The following ZSCAN5A variants were observed in gnomAD, a reference collection of about 807,000 sequenced individuals.
ZSCAN5A encodes the protein zinc finger and SCAN domain containing 5A.
In ZSCAN5A, 12 loss-of-function variants were observed where a neutral mutation model predicts 23.7. That is an observed-to-expected ratio of 0.51 (90% CI 0.32 to 0.82). ZSCAN5A has a LOEUF of 0.82. ZSCAN5A is among the 40% of genes least tolerant of loss of function. The pLI, the probability that ZSCAN5A is intolerant of heterozygous loss-of-function variation, is 0.03. For missense variants in ZSCAN5A, 597 were observed against 617.9 expected, an observed-to-expected ratio of 0.97 and a Z score of 0.36; for synonymous variants, 257 against 239.9, an observed-to-expected ratio of 1.07 and a Z score of -0.66.
chr19:56,362,722 T>G (rs2041742040), intron 2 of ZSCAN5A, among the ~76,000 whole-genome samples: 1 of 151,774 alleles, frequency 6.6e-6, no homozygotes, highest in Admixed American at 6.6e-5. Context: ...TACAAAAAAA[T>G]TAGCCAGGTA....
chr19:56,257,004 T>C (rs2036747937), intron 2 of ZSCAN5A, among the ~76,000 whole-genome samples: 1 of 152,130 alleles, frequency 6.6e-6, no homozygotes, highest in East Asian at 1.9e-4. Flanking sequence ...TAACTTAACA[T>C]GTGGGATGTC....
At chr19:56,354,182 T>C (rs1221984542) in intron 2 of ZSCAN5A, among the ~76,000 whole-genome samples, 1 of 152,202 alleles carries the variant, frequency 6.6e-6, no homozygotes, top group Admixed American at 6.5e-5. Flanking sequence ...AGTTTCAATT[T>C]TGCAAAGAGA....
At position 56,230,637 on chromosome 19, in the gene ZSCAN5A, G is replaced by A. The variant is rs924805821; in HGVS notation, c.-127-5464C>T. Among the ~76,000 whole-genome samples the A allele has an allele frequency of 9.5e-4, 135 of 141,506 alleles. No individual in the cohort carries two copies. In the East Asian group the frequency reaches 0.012, roughly 13 times the overall value. The allele number at this position is 141,506 out of a possible 152,430, so 92.8% of individuals were successfully genotyped here. On this transcript the variant is annotated intron_variant, in intron 2 of 5. Transcript: ENST00000683990. ...TTGATGTGTGTGTGTGTGTGTGTGT[G>A]TGTGTGTGTGTGTGTGTGTTGGAAA... is the stretch of plus-strand genomic sequence containing the variant.
chr19:56,223,146 C>T (rs1309288557), intron 4 of ZSCAN5A, among the ~76,000 whole-genome samples: 1 of 152,112 alleles, frequency 6.6e-6, no homozygotes, highest in African/African-American at 2.4e-5. Context: ...AGAGACCCCA[C>T]CTCCACCCTC....
At chr19:56,330,869 A>C (rs567933304) in intron 2 of ZSCAN5A, among the ~76,000 whole-genome samples, 1 of 152,172 alleles carries the variant, frequency 6.6e-6, no homozygotes, top group Admixed American at 6.5e-5. Flanking sequence ...CTTAGTAATA[A>C]ATTTTTTTCC....
In ZSCAN5A at chr19:56,327,550, CATT is replaced by C. The variant is rs1376025896; in HGVS notation, c.-357-11285_-357-11283del. On this transcript the variant is annotated intron_variant, in intron 2 of 6. Coordinates refer to the ZSCAN5A transcript ENST00000587340. The stretch of plus-strand genomic sequence containing the variant: ...TACACATATTGAATATAAATATGCA[CATT>C]ATATTAAATGACATTAAATATATAC... 6.0e-5 allele frequency among the ~76,000 whole-genome samples: 9 copies of C among 150,656 alleles called. No homozygotes were observed. The East Asian group carries it at 1.7e-3, about 29-fold the overall frequency.
rs200247414 is a variant in ZSCAN5A at position 56,329,009 on chromosome 19, AT to A, written c.-357-12742del. Among the ~76,000 whole-genome samples the A allele has an allele frequency of 4.3e-3, 633 of 146,358 alleles. 5 individuals carry two copies. The highest frequency in any genetic ancestry group is 0.012 in the African/African-American group (486 of 39,694). ...GACTCCGTCTCAAAAAAAAAAAAAA[AT>A]AAATAAATAAATAAATAAAAGAAAT... On this transcript the variant is annotated intron_variant, in intron 2 of 6. Coordinates refer to the ZSCAN5A transcript ENST00000587340.
At chr19:56,275,663 A>G (rs2038193850) in intron 2 of ZSCAN5A, among the ~76,000 whole-genome samples, 1 of 152,234 alleles carries the variant, frequency 6.6e-6, no homozygotes, top group Non-Finnish European at 1.5e-5. Flanking sequence ...GAACAGGCTA[A>G]GCTTGAAGCA....
At chr19:56,247,785 A>G (rs112490580) in intron 2 of ZSCAN5A, among the ~76,000 whole-genome samples, 4 of 151,956 alleles carry the variant, frequency 2.6e-5, no homozygotes, top group African/African-American at 7.3e-5. Flanking sequence ...TCAGTCTCCC[A>G]GGTTCACATC....
At chr19:56,339,853 T>C (rs372517406) in intron 2 of ZSCAN5A, among the ~76,000 whole-genome samples, 3 of 151,168 alleles carry the variant, frequency 2.0e-5, no homozygotes, top group Non-Finnish European at 1.5e-5. Context: ...GTTGTAGCCG[T>C]ATTTAGCAAT....
chr19:56,362,382 C>T (rs945807310), intron 2 of ZSCAN5A, among the ~76,000 whole-genome samples: 8 of 151,948 alleles, frequency 5.3e-5, no homozygotes, highest in East Asian at 2.0e-4. Flanking sequence ...TCTTGGCCAA[C>T]GTGGCGAGAC....
At chr19:56,309,076 C>T (rs2040873706) in intron 2 of ZSCAN5A, among the ~76,000 whole-genome samples, 1 of 152,178 alleles carries the variant, frequency 6.6e-6, no homozygotes, top group South Asian at 2.1e-4. Flanking sequence ...AAAGGATAAA[C>T]AAAACGTAGT....
intron 2 of ZSCAN5A, among the ~76,000 whole-genome samples, chr19:56,309,735 C>T (rs2040914470): frequency 6.6e-6 from 1 of 152,200 alleles, no homozygotes. Flanking sequence ...GCGGGGCGCG[C>T]CCTCTAGTGG....
At chr19:56,279,413 A>C (rs751225173) in intron 2 of ZSCAN5A, among the ~76,000 whole-genome samples, 2 of 152,256 alleles carry the variant, frequency 1.3e-5, no homozygotes, top group Non-Finnish European at 2.9e-5. Flanking sequence ...AAATGGAAAG[A>C]GCCTTGCAAA....
In ZSCAN5A at chr19:56,351,553, T is replaced by G. The variant is rs1186634490; in HGVS notation, c.-358+11682A>C. Among the ~76,000 whole-genome samples, 2 of 152,184 alleles carry G rather than the reference T, an allele frequency of 1.3e-5. No individual in the cohort carries two copies. Among genetic ancestry groups the G allele is most frequent in the Non-Finnish European group, 2.9e-5 (2 of 68,032 alleles). ...CTGTTGCGCACAGGGTCTATCTCTG[T>G]TCCTTTCCCATGTCTCAGTACGGGG... On this transcript the variant is annotated intron_variant, in intron 2 of 6. Coordinates refer to the ZSCAN5A transcript ENST00000587340. The surrounding 1 kb of genome is among the most constrained non-coding windows in gnomAD (Gnocchi z 4.8).
At chr19:56,238,067 TAG>T (rs1491091766) in intron 2 of ZSCAN5A, among the ~76,000 whole-genome samples, 3 of 5,174 alleles carry the variant, frequency 5.8e-4, no homozygotes, top group African/African-American at 8.1e-4. Flanking sequence ...TCTAGTCCCC[TAG>T]ACACACACAG....
intron 2 of ZSCAN5A, among the ~76,000 whole-genome samples, chr19:56,275,819 G>A (rs895137142): frequency 9.2e-5 from 14 of 152,320 alleles, no homozygotes; most frequent in South Asian, 4.1e-4. Flanking sequence ...ATTTATCTGC[G>A]TCTCCAACAC....
chr19:56,308,300 G>C (rs1287159909), intron 2 of ZSCAN5A, among the ~76,000 whole-genome samples: 1 of 151,824 alleles, frequency 6.6e-6, no homozygotes, highest in African/African-American at 2.4e-5. Context: ...CCAAAGTGCT[G>C]GGATTACAGG....
chr19:56,252,980 T>A (rs1015171033), intron 2 of ZSCAN5A, among the ~76,000 whole-genome samples: 6 of 152,216 alleles, frequency 3.9e-5, no homozygotes, highest in African/African-American at 1.4e-4. Context: ...CCTCCTGGGA[T>A]ATCCCTCCCA....
Sources: allele counts gnomAD v4.1 joint callset (sites outside exome capture counted in the v4.1 genomes callset), GRCh38; gene constraint gnomAD v4.1.1; non-coding constraint Gnocchi (gnomAD v3.1); transcripts MANE v1.5; gene names NCBI Gene and HGNC (gene_info 2026-07-23, HGNC 2026-07-21).